Variants in ARHGEF10L observed in about 807,000 individuals in gnomAD.
ARHGEF10L encodes rho guanine nucleotide exchange factor 10-like protein.
ARHGEF10L carries 69 observed loss-of-function variants against 141.2 expected under a neutral mutation model. The ratio of observed to expected loss-of-function variants is 0.49; its 90% CI spans 0.40 to 0.60. The LOEUF is 0.60. Among genes scored for constraint, ARHGEF10L ranks in the 20% least tolerant of loss-of-function variants. The pLI is 0.00. For synonymous variants in ARHGEF10L, 711 were observed against 718.5 expected (o/e 0.99, Z 0.17); for missense variants, 1,482 against 1,734.3 (o/e 0.85, Z 2.58).
chr1:17,601,068 AC>A (rs1324783494), intron 4 of ARHGEF10L, among the ~76,000 whole-genome samples: 23 of 150,092 alleles, frequency 1.5e-4, no homozygotes, highest in African/African-American at 3.2e-4. Context: ...AAAAAAAAAA[AC>A]AAAAAACAAA....
intron 1 of ARHGEF10L, among the ~76,000 whole-genome samples, chr1:17,575,590 C>T (rs1004485487): frequency 8.5e-5 from 13 of 152,332 alleles, no homozygotes; most frequent in South Asian, 4.1e-4. Context: ...CGATGAGATC[C>T]GAGAGGTCGG....
intron 27 of ARHGEF10L, among the ~76,000 whole-genome samples, chr1:17,692,433 G>A (rs933931651): frequency 6.6e-6 from 1 of 152,090 alleles, no homozygotes; most frequent in African/African-American, 2.4e-5. Flanking sequence ...CCCCAAACCG[G>A]CTCCTTTGCC....
Position 17,615,979 on chromosome 1 carries a change from GA to G in ARHGEF10L, c.727-113del. The G allele has an allele frequency of 1.2e-6, 1 of 800,854 alleles. No homozygotes were observed. Among genetic ancestry groups the G allele is most frequent in the Non-Finnish European group, 2.1e-6 (1 of 473,474 alleles). 49.6% of individuals were successfully genotyped at this position (800,854 alleles called of 1,614,324 possible). On this transcript the variant is annotated intron_variant, in intron 8 of 28. Transcript: ENST00000361221. This position sits in a 1 kb window ranked among gnomAD's most constrained non-coding sequence, Gnocchi z 4.7. ...GGCCTTTGCTCACGGACCTGGGAGGGAAGGGTCTGGGTGGTTCTGATCTCTG... is the reference window on the plus strand; with the variant it reads ...GGCCTTTGCTCACGGACCTGGGAGGGAGGGTCTGGGTGGTTCTGATCTCTG...
rs2060361819 is a variant in ARHGEF10L at position 17,625,961 on chromosome 1, G to T, written c.1323G>T (p.Arg441=). The T allele has an allele frequency of 6.2e-7, 1 of 1,613,792 alleles. No individual in the cohort carries two copies. The highest frequency in any genetic ancestry group is 8.5e-7 in the Non-Finnish European group (1 of 1,179,820). Residue 441 remains arginine (R), a synonymous_variant, in exon 14 of 29, where the codon CGG becomes CGT. Coordinates refer to ENST00000361221, the MANE Select transcript of ARHGEF10L (RefSeq NM_018125.4). The surrounding 1 kb of genome is among the most constrained non-coding windows in gnomAD (Gnocchi z 4.5). ...KPAFLEFLKR[R]QVCSPDRVTL... is the part of the protein sequence containing the mutation. ...CGGAACCTTGTCTCCACCAGCGACG[G>T]CAGGTGTGCAGCCCAGACCGTGTCA...
At position 17,621,911 on chromosome 1, in the gene ARHGEF10L, C is replaced by A; in HGVS notation, c.990C>A (p.Ser330Arg). 1 of 1,614,184 alleles carries A rather than the reference C, an allele frequency of 6.2e-7. No homozygotes were observed. Among genetic ancestry groups the A allele is most frequent in the Non-Finnish European group, 8.5e-7 (1 of 1,180,042 alleles). The change falls in exon 11 of 29, where the codon AGC becomes AGA. Residue 330 changes from serine (S) to arginine (R), a missense_variant. Ser to Arg is a moderately radical substitution (Grantham distance 110). This residue lies in a region of ARHGEF10L where 392 missense variants were observed against 542.1 expected (regional missense o/e 0.72). Transcript: ENST00000361221. The surrounding 1 kb of genome is among the most constrained non-coding windows in gnomAD (Gnocchi z 4.1). ...ILGSIVQSEG[S>R]YVESLKRILQ... ...GCTCCATCGTGCAGAGCGAAGGCAG[C>A]TACGTGGAGTCTCTGAAGCGGATAC...
chr1:17,527,141 A>G, the ARHGEF10L span, among the ~76,000 whole-genome samples: 2 of 152,146 alleles, frequency 1.3e-5, no homozygotes, highest in African/African-American at 2.4e-5. Context: ...GACTTGTTTC[A>G]TCTCTGAGTC....
chr1:17,603,693 C>A lies in ARHGEF10L; in HGVS notation c.433+102C>A. 9.8e-7 allele frequency: 1 copy of A among 1,022,172 alleles called. No homozygotes were observed. 63.3% of individuals were successfully genotyped at this position (1,022,172 alleles called of 1,614,324 possible). ...TCCGTTTCCTTCTGTCCCCACCTGG[C>A]CAAGTGCCCCTCCTTCTTGTCTTTA... is the stretch of plus-strand genomic sequence containing the variant. On this transcript the variant is annotated intron_variant, in intron 6 of 28. Transcript: ENST00000361221. This position sits in a 1 kb window ranked among gnomAD's most constrained non-coding sequence, Gnocchi z 4.8.
chr1:17,613,559 A>T (rs752297592), intron 8 of ARHGEF10L, among the ~76,000 whole-genome samples: 10 of 152,316 alleles, frequency 6.6e-5, no homozygotes, highest in Admixed American at 2.0e-4. Context: ...AGGCTCAGGA[A>T]TCTGCACATT....
rs200701697 is a variant in ARHGEF10L, at chr1:17,627,374, G to C, written c.1455G>C (p.Ser485=). 5.7e-5 allele frequency: 92 copies of C among 1,614,086 alleles called. 1 individual carries two copies. In the East Asian group the frequency reaches 2.0e-3, roughly 36 times the overall value. ...NTPRGHPDRL[S]LQLALTELET... is the part of the protein sequence containing the mutation. ...CCAGGGGCCATCCGGACAGGCTGTC[G>C]CTGCAGCTGGCCCTCACAGAGCTGG... The change falls in exon 15 of 29, where the codon TCG becomes TCC. Residue 485 remains serine (S), a synonymous_variant. Transcript: ENST00000361221. This position sits in a 1 kb window ranked among gnomAD's most constrained non-coding sequence, Gnocchi z 4.0.
In ARHGEF10L at chr1:17,673,343, G is replaced by A. The variant is rs538072918; in HGVS notation, c.3009+8748G>A. Among the ~76,000 whole-genome samples, 1 of 152,128 alleles carries A rather than the reference G, an allele frequency of 6.6e-6. No individual in the cohort carries two copies. The highest frequency in any genetic ancestry group is 1.5e-5 in the Non-Finnish European group (1 of 68,020). ...CCTCCCCTCTGAGCCCGGCAGCAGG[G>A]AGAGGGGGAGGGCAGATGCCCAAGG... On this transcript the variant is annotated intron_variant, in intron 26 of 28. Coordinates refer to ENST00000361221, the MANE Select transcript of ARHGEF10L (RefSeq NM_018125.4). This position sits in a 1 kb window ranked among gnomAD's most constrained non-coding sequence, Gnocchi z 4.1.
the ARHGEF10L span, among the ~76,000 whole-genome samples, chr1:17,527,584 C>T: frequency 1.5e-4 from 23 of 152,278 alleles, no homozygotes; most frequent in South Asian, 2.1e-4. Flanking sequence ...AGGTTAAATT[C>T]CCTGGTGGCT....
At chr1:17,529,802 A>T in the ARHGEF10L span, among the ~76,000 whole-genome samples, 2 of 144,910 alleles carry the variant, frequency 1.4e-5, no homozygotes, top group Admixed American at 1.4e-4. Context: ...TTATGGGGCC[A>T]TGGGGCCAGG....
chr1:17,635,435 G>T (rs2060940662), intron 18 of ARHGEF10L, among the ~76,000 whole-genome samples: 1 of 152,156 alleles, frequency 6.6e-6, no homozygotes, highest in African/African-American at 2.4e-5. Flanking sequence ...GGTCCTGAGG[G>T]TGTACCACCT....
chr1:17,618,400 TG>T, intron 9 of ARHGEF10L: 1 of 1,542,894 alleles, frequency 6.5e-7, no homozygotes, highest in African/African-American at 1.4e-5. Flanking sequence ...CGAGGCAGGC[TG>T]GGGTGGGTGC....
At chr1:17,614,998 T>C (rs958035839) in intron 8 of ARHGEF10L, 1 of 152,156 alleles carries the variant, frequency 6.6e-6, no homozygotes, top group African/African-American at 2.4e-5. Context: ...AGCAGAGAGT[T>C]TTAGGAAGGA....
intron 27 of ARHGEF10L, among the ~76,000 whole-genome samples, chr1:17,688,977 G>A (rs2064846785): frequency 6.6e-6 from 1 of 152,070 alleles, no homozygotes; most frequent in Admixed American, 6.5e-5. Flanking sequence ...ACCCTGCCCG[G>A]GCCTGAGGTG....
intron 26 of ARHGEF10L, among the ~76,000 whole-genome samples, chr1:17,679,709 G>A (rs534784897): frequency 6.6e-6 from 1 of 152,336 alleles, no homozygotes; most frequent in East Asian, 1.9e-4. Context: ...CGTGCAGAGC[G>A]GACGTGACCC....
intron 26 of ARHGEF10L, among the ~76,000 whole-genome samples, chr1:17,676,765 A>C (rs2063751120): frequency 6.6e-6 from 1 of 151,990 alleles, no homozygotes; most frequent in African/African-American, 2.4e-5. Context: ...GCCACTGGAC[A>C]GGTCCCAGTC....
chr1:17,531,309 C>T, the ARHGEF10L span, among the ~76,000 whole-genome samples: 43 of 152,308 alleles, frequency 2.8e-4, no homozygotes, highest in African/African-American at 9.1e-4. Flanking sequence ...CAAACTGACC[C>T]ACCCCTGTGC....
Sources: allele counts gnomAD v4.1 joint callset (sites outside exome capture counted in the v4.1 genomes callset), GRCh38; gene constraint gnomAD v4.1.1; regional missense constraint gnomAD v4.1.1; non-coding constraint Gnocchi (gnomAD v3.1); transcripts MANE v1.5; gene names NCBI Gene and HGNC (gene_info 2026-07-23, HGNC 2026-07-21).